Variants in AKAP13 observed in about 807,000 individuals in gnomAD.
AKAP13 encodes the protein A-kinase anchor protein 13.
In AKAP13, 80 loss-of-function variants were observed where a neutral mutation model predicts 264.5. The observed-to-expected ratio is 0.30, with a 90% CI of 0.25 to 0.36. AKAP13 has a LOEUF of 0.36. AKAP13 is among the 10% of genes least tolerant of loss of function. AKAP13 has a pLI of 1.00. For missense variants in AKAP13, 3,712 were observed against 3,435.2 expected, an observed-to-expected ratio of 1.08 and a Z score of -2.01; for synonymous variants, 1,380 against 1,250.2, an observed-to-expected ratio of 1.10 and a Z score of -2.19.
chr15:85,617,165 T>C (rs1461870906), intron 8 of AKAP13, among the ~76,000 whole-genome samples: 2 of 152,242 alleles, frequency 1.3e-5, no homozygotes, highest in African/African-American at 4.8e-5. Context: ...ACAAAATATC[T>C]GTTACATTGT....
chr15:85,637,070 T>G (rs913068078), intron 8 of AKAP13, among the ~76,000 whole-genome samples: 2 of 152,246 alleles, frequency 1.3e-5, no homozygotes, highest in African/African-American at 4.8e-5. Flanking sequence ...AAAATTTTGT[T>G]AAGGTTTTTT....
intron 16 of AKAP13, among the ~76,000 whole-genome samples, chr15:85,690,703 C>T (rs1480303898): frequency 6.6e-6 from 1 of 152,174 alleles, no homozygotes; most frequent in Admixed American, 6.5e-5. Flanking sequence ...CCTGGGTTCC[C>T]ATTTTGACTG....
At chr15:85,381,471 T>A (rs1165792164) in intron 1 of AKAP13, among the ~76,000 whole-genome samples, 2 of 143,450 alleles carry the variant, frequency 1.4e-5, no homozygotes, top group East Asian at 4.0e-4. Context: ...AGCTATACTT[T>A]GATACCAAAC....
In AKAP13 at chr15:85,741,375, A is replaced by G. The variant is rs1218845405; in HGVS notation, c.7938A>G (p.Thr2646=). The G allele has an allele frequency of 1.2e-6, 2 of 1,614,160 alleles. No individual in the cohort carries two copies. The highest frequency in any genetic ancestry group is 1.1e-5 in the South Asian group (1 of 91,078). The part of the protein sequence containing the change: ...EREELQQKKG[T]YQYDLERLRA... ...AGGAGCTCCAGCAGAAGAAGGGCAC[A>G]TACCAGTATGACCTGGAGCGACTGC... is the stretch of plus-strand genomic sequence containing the variant. Residue 2646 remains threonine (T), a synonymous_variant, in exon 35 of 37, where the codon ACA becomes ACG. Transcript: ENST00000394518.
intron 14 of AKAP13, among the ~76,000 whole-genome samples, chr15:85,677,791 C>T (rs559399326): frequency 5.9e-5 from 9 of 151,832 alleles, no homozygotes; most frequent in Non-Finnish European, 8.8e-5. Flanking sequence ...GGACTACAGG[C>T]GTCCGCCACC....
chr15:85,429,018 G>A (rs1182859588), intron 1 of AKAP13, among the ~76,000 whole-genome samples: 3 of 152,078 alleles, frequency 2.0e-5, no homozygotes. Flanking sequence ...AGAAACTGTG[G>A]TACATGCATA....
chr15:85,389,398 G>A (rs1355893033), intron 1 of AKAP13, among the ~76,000 whole-genome samples: 2 of 152,170 alleles, frequency 1.3e-5, no homozygotes, highest in East Asian at 1.9e-4. Flanking sequence ...TATCTCATTT[G>A]TTCCCTTCTC....
Position 85,747,132 on chromosome 15 carries a change from C to T in AKAP13, c.*2455C>T, listed in dbSNP as rs1401041347. The T allele has an allele frequency of 2.6e-5, 4 of 152,148 alleles. No homozygotes were observed. Among genetic ancestry groups the T allele is most frequent in the African/African-American group, 9.7e-5 (4 of 41,434 alleles). 9.4% of individuals were successfully genotyped at this position (152,148 alleles called of 1,614,324 possible). On this transcript the variant is annotated 3_prime_UTR_variant, in exon 37 of 37. Coordinates refer to ENST00000394518, the MANE Select transcript of AKAP13 (RefSeq NM_007200.5). ...GACAAGTTTAAAATCAAAGTAGTGC[C>T]CGGAATTCCCTCAAACCACCCAACT...
intron 8 of AKAP13, chr15:85,634,994 T>C (rs1322702479): frequency 5.0e-6 from 2 of 397,446 alleles, no homozygotes; most frequent in Non-Finnish European, 8.9e-6. Flanking sequence ...CTGGACTGTT[T>C]CTAGTTTGGA....
At chr15:85,503,996 A>G (rs1487033832) in intron 2 of AKAP13, among the ~76,000 whole-genome samples, 1 of 152,178 alleles carries the variant, frequency 6.6e-6, no homozygotes, top group Non-Finnish European at 1.5e-5. Context: ...ATGCTCAGGC[A>G]TAGGGCTTTA....
At chr15:85,489,982 A>G (rs969098465) in intron 2 of AKAP13, among the ~76,000 whole-genome samples, 1 of 152,162 alleles carries the variant, frequency 6.6e-6, no homozygotes, top group African/African-American at 2.4e-5. Flanking sequence ...CATGAGTACA[A>G]CCTTTATGTT....
intron 8 of AKAP13, among the ~76,000 whole-genome samples, chr15:85,614,619 T>C (rs765525870): frequency 1.5e-4 from 23 of 152,242 alleles, no homozygotes; most frequent in Non-Finnish European, 2.4e-4. Context: ...GAATCCCAAG[T>C]TTTCTTTCCT....
In AKAP13 at chr15:85,727,604, C is replaced by T. The variant is rs911575308; in HGVS notation, c.7087+141C>T. 11 of 824,700 alleles carry T rather than the reference C, an allele frequency of 1.3e-5. No individual in the cohort carries two copies. Among genetic ancestry groups the T allele is most frequent in the African/African-American group, 1.7e-5 (1 of 57,664 alleles). The allele number at this position is 824,700 out of a possible 1,614,324, so 51.1% of individuals were successfully genotyped here. A position where few individuals can be genotyped will look rare whatever the true frequency, so the allele number is the denominator to read the frequency against. Reference sequence around the variant, plus strand: ...CACTTGAAAGCAGCAAAATGAATAGCTGTTAACAAAAGAGAAACCAAGGCC... The same window carrying T: ...CACTTGAAAGCAGCAAAATGAATAGTTGTTAACAAAAGAGAAACCAAGGCC... On this transcript the variant is annotated intron_variant, in intron 29 of 36. Coordinates refer to ENST00000394518, the MANE Select transcript of AKAP13 (RefSeq NM_007200.5). The surrounding 1 kb of genome is among the most constrained non-coding windows in gnomAD (Gnocchi z 5.3).
At chr15:85,619,844 T>C in intron 8 of AKAP13, 1 of 1,352,582 alleles carries the variant, frequency 7.4e-7, no homozygotes, top group Non-Finnish European at 9.5e-7. Context: ...GAGTTCTACA[T>C]TCATCTTTCC....
intron 23 of AKAP13, among the ~76,000 whole-genome samples, chr15:85,720,013 G>C (rs1294282556): frequency 6.6e-6 from 1 of 152,040 alleles, no homozygotes; most frequent in African/African-American, 2.4e-5. Flanking sequence ...CGGATGGATT[G>C]CTTGAAGCCA....
chr15:85,661,365 CAAACTT>C (rs1032571405), intron 12 of AKAP13, among the ~76,000 whole-genome samples: 2 of 152,036 alleles, frequency 1.3e-5, no homozygotes, highest in African/African-American at 4.8e-5. Flanking sequence ...AAAATGGAAA[CAAACTT>C]GAAATTAAAA....
chr15:85,499,143 A>G (rs1057063211), intron 2 of AKAP13, among the ~76,000 whole-genome samples: 1 of 152,140 alleles, frequency 6.6e-6, no homozygotes, highest in Non-Finnish European at 1.5e-5. Flanking sequence ...TTCTTTTTTA[A>G]AGGCTAGCTT....
chr15:85,444,601 A>G (rs541758628), intron 1 of AKAP13, among the ~76,000 whole-genome samples: 3 of 152,276 alleles, frequency 2.0e-5, no homozygotes, highest in Admixed American at 1.3e-4. Flanking sequence ...TGTAAGTGAA[A>G]TGCCAAAAAA....
chr15:85,737,614 G>C (rs995463112), intron 33 of AKAP13, among the ~76,000 whole-genome samples: 1 of 152,098 alleles, frequency 6.6e-6, no homozygotes, highest in Admixed American at 6.6e-5. Flanking sequence ...AAATACAGTG[G>C]AGTCCTGAAG....
Sources: gnomAD v4.1 joint callset for allele counts (sites outside exome capture counted in the v4.1 genomes callset) on GRCh38, gnomAD v4.1.1 for gene constraint, Gnocchi (gnomAD v3.1) non-coding constraint, MANE v1.5 for transcripts, NCBI Gene and HGNC (gene_info 2026-07-23, HGNC 2026-07-21) for gene names.